Variants in EFNA3 observed in about 807,000 individuals in gnomAD.
EFNA3 encodes the protein ephrin A3, also known as ephrin-A3.
Under a neutral mutation model 25.0 loss-of-function variants are expected in EFNA3, and 15 were observed. That is an observed-to-expected ratio of 0.60 (90% CI 0.40 to 0.92). The LOEUF (loss-of-function observed/expected upper bound fraction) is 0.92, where lower values mean the gene tolerates loss of function less well. Among genes scored for constraint, EFNA3 ranks in the 40% least tolerant of loss-of-function variants. The pLI, the probability that EFNA3 is intolerant of heterozygous loss-of-function variation, is 0.00. For missense variants in EFNA3, 298 were observed against 323.8 expected (o/e 0.92, Z 0.61); for synonymous variants, 153 against 145.6 (o/e 1.05, Z -0.37).
chr1:155,085,192 C>A lies in EFNA3; in HGVS notation c.230C>A (p.Pro77Gln). Residue 77 changes from proline to glutamine, a missense_variant, in exon 2 of 5, where the codon CCG becomes CAG. Pro to Gln is a moderately conservative substitution (Grantham distance 76, BLOSUM62 -1). Transcript: ENST00000368408. This position sits in a 1 kb window ranked among gnomAD's most constrained non-coding sequence, Gnocchi z 4.4. ...NSSGVGPGAGPGPGGGAEQYV... is the reference protein window; with the variant it reads ...NSSGVGPGAGQGPGGGAEQYV... ...TCGGGGGTGGGCCCCGGGGCGGGAC[C>A]GGGGCCCGGAGGCGGGGCAGAGCAG... is the stretch of plus-strand genomic sequence containing the variant. 6.2e-7 allele frequency: 1 copy of A among 1,612,976 alleles called. No individual in the cohort carries two copies.
chr1:155,086,050 T>A, intron 3 of EFNA3, 78 bp from the exon 4 acceptor site: 2 of 1,569,590 alleles, frequency 1.3e-6, no homozygotes, highest in Non-Finnish European at 1.7e-6. Context: ...GGGGGCTTGC[T>A]CCCCAGCCGT....
In EFNA3 at chr1:155,087,435, C is replaced by T. The variant is rs1663496089; in HGVS notation, c.*892C>T. 6.5e-6 allele frequency: 1 copy of T among 152,840 alleles called. No individual in the cohort carries two copies. The highest frequency in any genetic ancestry group is 1.5e-5 in the Non-Finnish European group (1 of 68,094). The allele number at this position is 152,840 out of a possible 1,614,324, so 9.5% of individuals were successfully genotyped here. On this transcript the variant is annotated 3_prime_UTR_variant, in exon 5 of 5. Transcript: ENST00000368408. ...TCTCCCAGGACCTTGCCCTGCTCAC[C>T]CTATGTGGTCCCACCTATCCTCCTG...
At chr1:155,086,103 T>TGCCCCCCCCCCCCCCC in intron 3 of EFNA3, 25 bp from the exon 4 acceptor site, 13 of 1,577,624 alleles carry the variant, frequency 8.2e-6, no homozygotes, top group Non-Finnish European at 1.1e-5. Flanking sequence ...CCCTCCTCTC[T>TGCCCCCCCCCCCCCCC]CCCCACCCGC....
In EFNA3 at chr1:155,081,956, G is replaced by C. The variant is rs907989879; in HGVS notation, c.128+2887G>C. On this transcript the variant is annotated intron_variant, in intron 1 of 4. Coordinates refer to ENST00000368408, the MANE Select transcript of EFNA3 (RefSeq NM_004952.5). The surrounding 1 kb of genome is among the most constrained non-coding windows in gnomAD (Gnocchi z 5.2). ...GCCGCCGCCGCCGCCGCTGTCGCAG[G>C]GAGGAGGGGCGGAGGTGTCGGGCGC... Among the ~76,000 whole-genome samples, 1 of 152,204 alleles carries C rather than the reference G, an allele frequency of 6.6e-6. No individual in the cohort carries two copies. Among genetic ancestry groups the C allele is most frequent in the African/African-American group, 2.4e-5 (1 of 41,452 alleles).
Position 155,085,424 on chromosome 1 carries a change from C to A in EFNA3, c.442+20C>A. The A allele has an allele frequency of 6.5e-7, 1 of 1,543,040 alleles. No homozygotes were observed. The highest frequency in any genetic ancestry group is 8.8e-7 in the Non-Finnish European group (1 of 1,138,480). On this transcript the variant is annotated intron_variant, in intron 2 of 4. Coordinates refer to ENST00000368408, the MANE Select transcript of EFNA3 (RefSeq NM_004952.5). The surrounding 1 kb of genome is among the most constrained non-coding windows in gnomAD (Gnocchi z 4.4). The stretch of plus-strand genomic sequence containing the variant: ...ACATCTGTGAGTGACGGCGGCCGGG[C>A]GGGCGGGTCTGAACGCGAGAGTCTG...
rs948598581 is a variant in EFNA3, at chr1:155,081,089, C to A, written c.128+2020C>A. ...CCGTCACGTGCGGAGGGTCTCTGCC[C>A]CTTGGGGTCACGTGGGGAGGGTCTT... On this transcript the variant is annotated intron_variant, in intron 1 of 4. Coordinates refer to ENST00000368408, the MANE Select transcript of EFNA3 (RefSeq NM_004952.5). This position sits in a 1 kb window ranked among gnomAD's most constrained non-coding sequence, Gnocchi z 5.2. 6.6e-6 allele frequency among the ~76,000 whole-genome samples: 1 copy of A among 152,192 alleles called. No homozygotes were observed. The highest frequency in any genetic ancestry group is 2.1e-4 in the South Asian group (1 of 4,830).
chr1:155,079,068 C>T lies in EFNA3; in HGVS notation c.127C>T (p.His43Tyr). 9 of 1,339,538 alleles carry T rather than the reference C, an allele frequency of 6.7e-6. No individual in the cohort carries two copies. Among genetic ancestry groups the T allele is most frequent in the Non-Finnish European group, 8.7e-6 (9 of 1,038,614 alleles). 83.0% of individuals were successfully genotyped at this position (1,339,538 alleles called of 1,614,324 possible). A position where few individuals can be genotyped will look rare whatever the true frequency, so the allele number is the denominator to read the frequency against. ...GGTGTACTGGAACAGCTCCAACCAG[C>T]AGTGAGTCGGGGACCCTGGGAGTCC... ...HAVYWNSSNQ[H>Y]LRREGYTVQV... The change falls in exon 1 of 5, where the codon CAC (histidine) becomes TAC (tyrosine). Residue 43 changes from histidine to tyrosine, a missense_variant and splice_region_variant. Physicochemically the swap from His to Tyr is moderately conservative, Grantham distance 83. Transcript: ENST00000368408. This position sits in a 1 kb window ranked among gnomAD's most constrained non-coding sequence, Gnocchi z 7.7.
chr1:155,084,250 C>CT (rs560767869), intron 1 of EFNA3, among the ~76,000 whole-genome samples: 59 of 152,338 alleles, frequency 3.9e-4, no homozygotes, highest in African/African-American at 1.4e-3. Context: ...TACTGAGTCC[C>CT]TTAGCGCCCT....
rs769034744 is a variant in EFNA3, at chr1:155,085,094, G to T, written c.132G>T (p.Leu44=). The change falls in exon 2 of 5, where the codon CTG becomes CTT. Residue 44 remains leucine, a synonymous_variant. Transcript: ENST00000368408. This position sits in a 1 kb window ranked among gnomAD's most constrained non-coding sequence, Gnocchi z 4.4. ...AVYWNSSNQH[L]RREGYTVQVN... ...AGCCGCTTCCTCTTCCCCACAGCCTGCGGCGAGAGGGCTACACCGTGCAGG... is the reference window on the plus strand; with the variant it reads ...AGCCGCTTCCTCTTCCCCACAGCCTTCGGCGAGAGGGCTACACCGTGCAGG... The T allele has an allele frequency of 2.5e-6, 4 of 1,613,622 alleles. No homozygotes were observed. The East Asian group carries it at 8.9e-5, about 36-fold the overall frequency.
chr1:155,082,206 A>T (rs2102452041), intron 1 of EFNA3, among the ~76,000 whole-genome samples: 1 of 152,176 alleles, frequency 6.6e-6, no homozygotes, highest in African/African-American at 2.4e-5. Context: ...CGCCTGCTGG[A>T]GCGGGCGGCG....
rs1663341145 is a variant in EFNA3 at position 155,081,380 on chromosome 1, G to A, written c.128+2311G>A. ...GTGAGGGGGGTTGGGACGGCCGATG[G>A]CCAAATATATGCCCCCTGGCCTGTG... On this transcript the variant is annotated intron_variant, in intron 1 of 4. Transcript: ENST00000368408. The surrounding 1 kb of genome is among the most constrained non-coding windows in gnomAD (Gnocchi z 5.2). 6.6e-6 allele frequency among the ~76,000 whole-genome samples: 1 copy of A among 152,238 alleles called. No homozygotes were observed.
intron 1 of EFNA3, among the ~76,000 whole-genome samples, chr1:155,084,103 C>A (rs1413280088): frequency 6.6e-6 from 1 of 152,220 alleles, no homozygotes; most frequent in Admixed American, 6.5e-5. Context: ...ATAAGAGGCG[C>A]AGCCATCTTG....
In EFNA3 at chr1:155,086,183, C is replaced by T; in HGVS notation, c.564C>T (p.Pro188=). 6.2e-7 allele frequency: 1 copy of T among 1,614,014 alleles called. No homozygotes were observed. Among genetic ancestry groups the T allele is most frequent in the South Asian group, 1.1e-5 (1 of 91,084 alleles). ...VPTLPQFTMG[P]NVKINVLEDF... Reference sequence around the variant, plus strand: ...CTCTCCCCCAGTTCACCATGGGCCCCAATGTGAAGATCAACGTGCTGGGTG... The same window carrying T: ...CTCTCCCCCAGTTCACCATGGGCCCTAATGTGAAGATCAACGTGCTGGGTG... Residue 188 remains proline (P), a synonymous_variant, in exon 4 of 5, where the codon CCC becomes CCT. Coordinates refer to ENST00000368408, the MANE Select transcript of EFNA3 (RefSeq NM_004952.5).
rs1173977037 is a variant in EFNA3 at position 155,080,043 on chromosome 1, C to G, written c.128+974C>G. The stretch of plus-strand genomic sequence containing the variant: ...TCTGCTCAGTCCTTGCTGCCCTTGT[C>G]TTCTCCTCCCCGCCAAGCCGCCGTG... On this transcript the variant is annotated intron_variant, in intron 1 of 4. Transcript: ENST00000368408. This position sits in a 1 kb window ranked among gnomAD's most constrained non-coding sequence, Gnocchi z 7.0. Among the ~76,000 whole-genome samples, 1 of 152,046 alleles carries G rather than the reference C, an allele frequency of 6.6e-6. No individual in the cohort carries two copies. Among genetic ancestry groups the G allele is most frequent in the Non-Finnish European group, 1.5e-5 (1 of 67,980 alleles).
chr1:155,082,096 T>C (rs1174579657), intron 1 of EFNA3, among the ~76,000 whole-genome samples: 1 of 151,988 alleles, frequency 6.6e-6, no homozygotes, highest in African/African-American at 2.4e-5. Flanking sequence ...CGCAGAGGTG[T>C]CAGCGTGCAA....
At chr1:155,084,523 G>C (rs143148029) in intron 1 of EFNA3, among the ~76,000 whole-genome samples, 1 of 152,236 alleles carries the variant, frequency 6.6e-6, no homozygotes, top group East Asian at 1.9e-4. Context: ...GCATGAAGCC[G>C]CCATACATGC....
rs568519562 is a variant in EFNA3 at position 155,079,951 on chromosome 1, C to A, written c.128+882C>A. ...GCCGCGGTCTGGGCGGGTGTCAGGG[C>A]GGCCGTGTGGTTTCCCGGGGTGTGT... On this transcript the variant is annotated intron_variant, in intron 1 of 4. Transcript: ENST00000368408. This position sits in a 1 kb window ranked among gnomAD's most constrained non-coding sequence, Gnocchi z 7.7. Among the ~76,000 whole-genome samples the A allele has an allele frequency of 1.2e-3, 180 of 152,044 alleles. No individual in the cohort carries two copies. Among genetic ancestry groups the A allele is most frequent in the South Asian group, 2.5e-3 (12 of 4,810 alleles).
In EFNA3 at chr1:155,080,591, C is replaced by T. The variant is rs570675046; in HGVS notation, c.128+1522C>T. ...GAACGGAGAGCTCGCAGGTGAGGGG[C>T]CCCGGGTTCCCCGCCACCCTTGGAG... On this transcript the variant is annotated intron_variant, in intron 1 of 4. Transcript: ENST00000368408. The surrounding 1 kb of genome is among the most constrained non-coding windows in gnomAD (Gnocchi z 7.0). 3.9e-5 allele frequency among the ~76,000 whole-genome samples: 6 copies of T among 152,272 alleles called. No individual in the cohort carries two copies. The highest frequency in any genetic ancestry group is 3.9e-4 in the Admixed American group (6 of 15,304).
Position 155,079,044 on chromosome 1 carries a change from G to A in EFNA3, c.103G>A (p.Val35Met). Reference protein sequence around the residue: ...PGGALGNRHAVYWNSSNQHLR... With the variant: ...PGGALGNRHAMYWNSSNQHLR... ...AGGGGCGCTGGGAAACCGGCATGCGGTGTACTGGAACAGCTCCAACCAGCA... is the reference window on the plus strand; with the variant it reads ...AGGGGCGCTGGGAAACCGGCATGCGATGTACTGGAACAGCTCCAACCAGCA... Residue 35 changes from valine (V) to methionine (M), a missense_variant, in exon 1 of 5, where the codon GTG (valine) becomes ATG (methionine). Coordinates refer to ENST00000368408, the MANE Select transcript of EFNA3 (RefSeq NM_004952.5). The surrounding 1 kb of genome is among the most constrained non-coding windows in gnomAD (Gnocchi z 7.7). 5.7e-6 allele frequency: 8 copies of A among 1,403,896 alleles called. No homozygotes were observed. Among genetic ancestry groups the A allele is most frequent in the Non-Finnish European group, 7.4e-6 (8 of 1,075,538 alleles). The allele number at this position is 1,403,896 out of a possible 1,614,324, so 87.0% of individuals were successfully genotyped here.
Sources: gnomAD v4.1 joint callset for allele counts (sites outside exome capture counted in the v4.1 genomes callset) on GRCh38, gnomAD v4.1.1 for gene constraint, Gnocchi (gnomAD v3.1) non-coding constraint, MANE v1.5 for transcripts, NCBI Gene and HGNC (gene_info 2026-07-23, HGNC 2026-07-21) for gene names.